The following ROBO2 variants were observed in gnomAD, a reference collection of about 807,000 sequenced individuals.
ROBO2 encodes roundabout guidance receptor 2, also known as roundabout homolog 2.
A neutral mutation model predicts 160.8 loss-of-function variants in ROBO2; 53 were observed. The ratio of observed to expected loss-of-function variants is 0.33; its 90% CI spans 0.26 to 0.41. The LOEUF is 0.41. Among genes scored for constraint, ROBO2 ranks in the 10% least tolerant of loss-of-function variants. The pLI is 1.00. For synonymous variants in ROBO2, 664 were observed against 611.7 expected, an observed-to-expected ratio of 1.09 and a Z score of -1.26; for missense variants, 1,577 against 1,722.4, an observed-to-expected ratio of 0.92 and a Z score of 1.49.
At chr3:76,395,972 T>C (rs1177198525) in intron 2 of ROBO2, among the ~76,000 whole-genome samples, 1 of 152,158 alleles carries the variant, frequency 6.6e-6, no homozygotes. Context: ...CCTCATTTTA[T>C]GAGGCCAGCA....
chr3:77,272,001 G>C (rs1157182731), intron 2 of ROBO2, among the ~76,000 whole-genome samples: 1 of 152,208 alleles, frequency 6.6e-6, no homozygotes, highest in Admixed American at 6.5e-5. Flanking sequence ...ACTTAATTTC[G>C]AGCTTTTCAT....
intron 2 of ROBO2, among the ~76,000 whole-genome samples, chr3:77,154,552 C>A (rs1187424832): frequency 1.3e-5 from 2 of 151,990 alleles, no homozygotes; most frequent in African/African-American, 4.8e-5. Flanking sequence ...AATCGTCCAA[C>A]CAAAAGGCGC....
chr3:77,491,793 T>C (rs569633752), intron 4 of ROBO2, among the ~76,000 whole-genome samples: 20 of 152,250 alleles, frequency 1.3e-4, no homozygotes, highest in Non-Finnish European at 2.5e-4. Context: ...GATTTTTGAG[T>C]CCCAGAGTAC....
At chr3:76,384,834 C>G (rs1403489303) in intron 2 of ROBO2, among the ~76,000 whole-genome samples, 1 of 152,160 alleles carries the variant, frequency 6.6e-6, no homozygotes, top group Non-Finnish European at 1.5e-5. Context: ...TGATTCCTCC[C>G]ACGACACGTG....
At chr3:77,546,132 G>T (rs552339001) in intron 6 of ROBO2, among the ~76,000 whole-genome samples, 1 of 152,052 alleles carries the variant, frequency 6.6e-6, no homozygotes, top group Non-Finnish European at 1.5e-5. Context: ...TATAAAATAC[G>T]TCTGCTAAAA....
chr3:76,355,598 A>G (rs1303221570), intron 2 of ROBO2, among the ~76,000 whole-genome samples: 4 of 151,798 alleles, frequency 2.6e-5, no homozygotes, highest in African/African-American at 4.8e-5. Flanking sequence ...ACGGATAATA[A>G]GTATATCTAA....
intron 2 of ROBO2, among the ~76,000 whole-genome samples, chr3:77,384,176 A>C (rs1051880786): frequency 6.6e-6 from 1 of 152,180 alleles, no homozygotes; most frequent in Non-Finnish European, 1.5e-5. Context: ...CTAGTGCTCA[A>C]TTATTTCCCA....
At chr3:77,380,689 C>T (rs184933187) in intron 2 of ROBO2, among the ~76,000 whole-genome samples, 334 of 149,468 alleles carry the variant, frequency 2.2e-3, no homozygotes, top group African/African-American at 7.8e-3. Context: ...CCTTCCCTCC[C>T]TCCCTCCTTC....
intron 2 of ROBO2, among the ~76,000 whole-genome samples, chr3:76,398,348 A>G (rs1347288323): frequency 6.6e-6 from 1 of 151,290 alleles, no homozygotes. Context: ...GGAGGGAGGG[A>G]TAGCATTAGG....
chr3:76,566,719 A>G (rs2108542810), intron 2 of ROBO2, among the ~76,000 whole-genome samples: 1 of 152,264 alleles, frequency 6.6e-6, no homozygotes, highest in South Asian at 2.1e-4. Flanking sequence ...AGAGTGAGGG[A>G]AAGAAGGGTG....
intron 15 of ROBO2, among the ~76,000 whole-genome samples, chr3:77,578,646 G>A (rs1404293063): frequency 6.6e-6 from 1 of 151,960 alleles, no homozygotes; most frequent in African/African-American, 2.4e-5. Flanking sequence ...TTTCTATCAT[G>A]TTGTAAAGAC....
intron 2 of ROBO2, among the ~76,000 whole-genome samples, chr3:76,352,896 C>T (rs954441500): frequency 2.0e-5 from 3 of 151,972 alleles, no homozygotes; most frequent in Admixed American, 6.6e-5. Flanking sequence ...CAAATTCACT[C>T]TGAAAATAGC....
intron 1 of ROBO2, among the ~76,000 whole-genome samples, chr3:77,071,232 G>A (rs1349213349): frequency 1.3e-5 from 2 of 152,088 alleles, no homozygotes; most frequent in East Asian, 1.9e-4. Context: ...TTCTCCTAAA[G>A]TAGGGCTATT....
At chr3:76,379,360 A>T (rs2076508378) in intron 2 of ROBO2, among the ~76,000 whole-genome samples, 1 of 152,170 alleles carries the variant, frequency 6.6e-6, no homozygotes, top group Admixed American at 6.5e-5. Flanking sequence ...AAAATATTTA[A>T]AAATATTTTT....
intron 2 of ROBO2, among the ~76,000 whole-genome samples, chr3:76,100,736 A>G (rs902887101): frequency 6.6e-6 from 1 of 152,172 alleles, no homozygotes. Flanking sequence ...CAAAGGACAA[A>G]CATACTTGTA....
At chr3:76,435,248 C>T (rs894674989) in intron 2 of ROBO2, 8 of 1,513,324 alleles carry the variant, frequency 5.3e-6, no homozygotes, top group South Asian at 2.2e-5. Context: ...CAGATGGCTG[C>T]CATGCTTACC....
chr3:76,103,787 C>T (rs1351860328), intron 2 of ROBO2, among the ~76,000 whole-genome samples: 1 of 152,222 alleles, frequency 6.6e-6, no homozygotes, highest in African/African-American at 2.4e-5. Flanking sequence ...TCCATTATCA[C>T]TTTATTCTAG....
intron 2 of ROBO2, among the ~76,000 whole-genome samples, chr3:76,604,307 A>G (rs1477448444): frequency 2.0e-5 from 3 of 152,206 alleles, no homozygotes; most frequent in South Asian, 2.1e-4. Flanking sequence ...TCGAAGTAAC[A>G]TAAGTCAGCT....
intron 2 of ROBO2, among the ~76,000 whole-genome samples, chr3:77,242,031 T>C (rs2089123061): frequency 6.6e-6 from 1 of 152,184 alleles, no homozygotes; most frequent in Admixed American, 6.5e-5. Context: ...ATAAGCTCTT[T>C]CTTTTAGCAA....
Sources: allele counts gnomAD v4.1 joint callset (sites outside exome capture counted in the v4.1 genomes callset), GRCh38; gene constraint gnomAD v4.1.1; transcripts MANE v1.5; gene names NCBI Gene and HGNC (gene_info 2026-07-23, HGNC 2026-07-21).